SYNJ2: variants seen among roughly 807,000 people sequenced by gnomAD.
SYNJ2 encodes the protein synaptojanin 2.
Under a neutral mutation model 141.3 loss-of-function variants are expected in SYNJ2, and 116 were observed. That is an observed-to-expected ratio of 0.82 (90% CI 0.71 to 0.96). SYNJ2 has a LOEUF of 0.96. Ranked by LOEUF, SYNJ2 falls within the 40% of genes least tolerant of loss-of-function variation. SYNJ2 has a pLI of 0.00. For synonymous variants in SYNJ2, 745 were observed against 777.7 expected, an observed-to-expected ratio of 0.96 and a Z score of 0.70; for missense variants, 1,873 against 1,934.8, an observed-to-expected ratio of 0.97 and a Z score of 0.60.
At chr6:158,075,066 C>T (rs7753835) in intron 16 of SYNJ2, among the ~76,000 whole-genome samples, 170 of 151,506 alleles carry the variant, frequency 1.1e-3, no homozygotes, top group African/African-American at 3.9e-3. Context: ...CGAGTAGCTG[C>T]GATTACAGGC....
At chr6:157,991,527 T>C (rs1777424749) in intron 1 of SYNJ2, among the ~76,000 whole-genome samples, 1 of 152,178 alleles carries the variant, frequency 6.6e-6, no homozygotes, top group Admixed American at 6.5e-5. Context: ...GGGAATTTAG[T>C]TAATTGCTCC....
intron 1 of SYNJ2, among the ~76,000 whole-genome samples, chr6:157,993,905 C>T (rs1207417272): frequency 6.9e-6 from 1 of 145,916 alleles, no homozygotes; most frequent in African/African-American, 2.5e-5. Context: ...AGCTCCGCCT[C>T]CCTGGTTCAC....
rs1390877115 is a variant in SYNJ2, at chr6:158,092,976, T to A, written c.3616T>A (p.Ser1206Thr). The A allele has an allele frequency of 6.2e-7, 1 of 1,611,200 alleles. No homozygotes were observed. The highest frequency in any genetic ancestry group is 2.2e-5 in the East Asian group (1 of 44,812). Residue 1206 changes from serine (S) to threonine (T), a missense_variant, in exon 26 of 27, where the codon TCC becomes ACC. Transcript: ENST00000355585. ...SAVAPRDLEA[S>T]SEPEPTPGAA... The stretch of plus-strand genomic sequence containing the variant: ...CGTGGCCCCAAGGGACCTTGAAGCA[T>A]CCTCTGAACCAGAGCCCACACCGGG...
chr6:157,997,762 CA>C (rs34945171), intron 1 of SYNJ2, among the ~76,000 whole-genome samples: 85,878 of 151,742 alleles, frequency 0.57, 25,381 homozygotes, highest in African/African-American at 0.74. Flanking sequence ...GAAGCATTGG[CA>C]AAAAAAATAG....
chr6:158,050,084 G>A (rs1235432141), intron 5 of SYNJ2, among the ~76,000 whole-genome samples: 2 of 152,344 alleles, frequency 1.3e-5, no homozygotes, highest in East Asian at 3.8e-4. Flanking sequence ...ACCTCTGCAG[G>A]TATGCACATG....
At position 158,093,123 on chromosome 6, in the gene SYNJ2, A is replaced by G. The variant is rs202011518; in HGVS notation, c.3744+19A>G. The G allele has an allele frequency of 1.5e-5, 24 of 1,605,718 alleles. No individual in the cohort carries two copies. The East Asian group carries it at 5.4e-4, about 36-fold the overall frequency. ...AGGAAAGGTAAAAGCCTGGTAACAT[A>G]AAACCTCTTACTCCTAAGTTGCTCA... On this transcript the variant is annotated intron_variant, in intron 26 of 26. Transcript: ENST00000355585.
In SYNJ2 at chr6:158,028,946, C is replaced by T. The variant is rs765515889; in HGVS notation, c.405C>T (p.Asn135=). The change falls in exon 3 of 27, where the codon AAC becomes AAT. Residue 135 remains asparagine (N), a synonymous_variant. Coordinates refer to ENST00000355585, the MANE Select transcript of SYNJ2 (RefSeq NM_003898.4). ...GGGTGTTCTATTTCTCATGGCCAAA[C>T]GATGGGTCTCGCTTTGACCTGACTG... ...SSGVFYFSWP[N]DGSRFDLTVR... is the part of the protein sequence containing the mutation. 11 of 1,613,948 alleles carry T rather than the reference C, an allele frequency of 6.8e-6. No individual in the cohort carries two copies. The African/African-American group carries it at 1.1e-4, about 16-fold the overall frequency.
Position 158,084,021 on chromosome 6 carries a change from G to A in SYNJ2, c.3055G>A (p.Glu1019Lys), listed in dbSNP as rs781715340. Residue 1019 changes from glutamate to lysine, a missense_variant, in exon 22 of 27, where the codon GAA becomes AAA. Glu to Lys is a moderately conservative substitution (Grantham distance 56, BLOSUM62 1). Transcript: ENST00000355585. The surrounding 1 kb of genome is among the most constrained non-coding windows in gnomAD (Gnocchi z 5.0). Reference protein sequence around the residue: ...ESEGDILEDDEDYLVDEFNQP... With the variant: ...ESEGDILEDDKDYLVDEFNQP... ...CCCAGGGGATATTCTTGAAGACGAT[G>A]AAGACTACTTGGTGGATGAATTCAA... is the stretch of plus-strand genomic sequence containing the variant. The A allele has an allele frequency of 1.2e-6, 2 of 1,614,096 alleles. No individual in the cohort carries two copies. Among genetic ancestry groups the A allele is most frequent in the Non-Finnish European group, 1.7e-6 (2 of 1,180,010 alleles).
intron 4 of SYNJ2, among the ~76,000 whole-genome samples, chr6:158,038,608 C>T (rs971509755): frequency 2.0e-5 from 3 of 152,216 alleles, no homozygotes; most frequent in Non-Finnish European, 4.4e-5. Flanking sequence ...CACTTCCCAG[C>T]GCTGAGTCCA....
chr6:158,072,352 AG>A (rs1781990720), intron 15 of SYNJ2, among the ~76,000 whole-genome samples: 1 of 152,224 alleles, frequency 6.6e-6, no homozygotes, highest in South Asian at 2.1e-4. Flanking sequence ...GGCGGTCCGG[AG>A]GGTTTCATTC....
chr6:158,016,623 G>T (rs1396530820), intron 1 of SYNJ2, among the ~76,000 whole-genome samples: 1 of 152,142 alleles, frequency 6.6e-6, no homozygotes, highest in East Asian at 1.9e-4. Context: ...AGGGCTCCCT[G>T]CGCCTAATGG....
intron 1 of SYNJ2, among the ~76,000 whole-genome samples, chr6:158,014,598 A>G (rs1030771447): frequency 6.6e-6 from 1 of 152,182 alleles, no homozygotes; most frequent in Non-Finnish European, 1.5e-5. Flanking sequence ...ATCACATCTT[A>G]CCATCAGTCC....
At position 158,070,403 on chromosome 6, in the gene SYNJ2, C is replaced by T; in HGVS notation, c.1940+730C>T. On this transcript the variant is annotated intron_variant, in intron 14 of 26. Transcript: ENST00000355585. This position sits in a 1 kb window ranked among gnomAD's most constrained non-coding sequence, Gnocchi z 4.0. ...GCAGCACCTGGAGACTAAGACTATG[C>T]TGCCCATAATCCTCTTCTCTGACTT... 2 of 985,504 alleles carry T rather than the reference C, an allele frequency of 2.0e-6. No homozygotes were observed. The highest frequency in any genetic ancestry group is 2.4e-6 in the Non-Finnish European group (2 of 829,992). 61.0% of individuals were successfully genotyped at this position (985,504 alleles called of 1,614,324 possible). A position where few individuals can be genotyped will look rare whatever the true frequency, so the allele number is the denominator to read the frequency against.
intron 1 of SYNJ2, among the ~76,000 whole-genome samples, chr6:157,997,714 C>G (rs560517306): frequency 6.6e-6 from 1 of 152,096 alleles, no homozygotes; most frequent in Non-Finnish European, 1.5e-5. Context: ...AACACTGCCT[C>G]GTGTGGAAAT....
intron 1 of SYNJ2, among the ~76,000 whole-genome samples, chr6:157,987,838 T>G (rs1219480271): frequency 1.3e-5 from 2 of 152,250 alleles, no homozygotes; most frequent in Admixed American, 1.3e-4. Flanking sequence ...GCAGCAGAAA[T>G]GGTGGCATGA....
intron 6 of SYNJ2, among the ~76,000 whole-genome samples, chr6:158,055,827 A>G (rs1259547498): frequency 6.6e-6 from 1 of 152,180 alleles, no homozygotes; most frequent in Non-Finnish European, 1.5e-5. Context: ...TGACCCCCTG[A>G]TTAGTGTGTG....
chr6:158,043,400 G>A lies in SYNJ2; in HGVS notation c.795+1G>A. On this transcript the variant is annotated splice_donor_variant, in intron 5 of 26. Coordinates refer to ENST00000355585, the MANE Select transcript of SYNJ2 (RefSeq NM_003898.4). LOFTEE classifies it high-confidence loss of function. The surrounding 1 kb of genome is among the most constrained non-coding windows in gnomAD (Gnocchi z 4.0). ...GTTCTGGGAACAGCCAGGGCTTCAGGTAGGTCATGAAAAAACTTAAATGTC... is the reference window on the plus strand; with the variant it reads ...GTTCTGGGAACAGCCAGGGCTTCAGATAGGTCATGAAAAAACTTAAATGTC... The A allele has an allele frequency of 6.2e-7, 1 of 1,613,640 alleles. No individual in the cohort carries two copies. Among genetic ancestry groups the A allele is most frequent in the Non-Finnish European group, 8.5e-7 (1 of 1,179,642 alleles).
rs116365701 is a variant in SYNJ2, at chr6:158,075,699, C to T, written c.2293-927C>T. 5.8e-3 allele frequency among the ~76,000 whole-genome samples: 883 copies of T among 152,010 alleles called. 4 individuals are homozygous for T. Among genetic ancestry groups the T allele is most frequent in the Non-Finnish European group, 8.5e-3 (578 of 67,972 alleles). On this transcript the variant is annotated intron_variant, in intron 16 of 26. Transcript: ENST00000355585. The stretch of plus-strand genomic sequence containing the variant: ...GGTCTCTCCTGAAGCAAGATTTGGA[C>T]GTTCTTCGAGGTTTACTGTGTCTTC...
chr6:158,093,021 C>G lies in SYNJ2; in HGVS notation c.3661C>G (p.Pro1221Ala). Reference protein sequence around the residue: ...PTPGAAKPETPQAPPLLPRRP... With the variant: ...PTPGAAKPETAQAPPLLPRRP... ...ACCGGGGGCAGCCAAACCAGAGACCCCACAGGCGCCCCCACTCCTTCCCCG... is the reference window on the plus strand; with the variant it reads ...ACCGGGGGCAGCCAAACCAGAGACCGCACAGGCGCCCCCACTCCTTCCCCG... The change falls in exon 26 of 27, where the codon CCA becomes GCA. Residue 1221 changes from proline to alanine, a missense_variant. By Grantham distance (27) the Pro-to-Ala change is conservative. Transcript: ENST00000355585. The G allele has an allele frequency of 6.2e-7, 1 of 1,612,946 alleles. No homozygotes were observed. The highest frequency in any genetic ancestry group is 8.5e-7 in the Non-Finnish European group (1 of 1,179,698).
Sources: allele counts gnomAD v4.1 joint callset (sites outside exome capture counted in the v4.1 genomes callset), GRCh38; gene constraint gnomAD v4.1.1; non-coding constraint Gnocchi (gnomAD v3.1); transcripts MANE v1.5; gene names NCBI Gene and HGNC (gene_info 2026-07-23, HGNC 2026-07-21).